The following RORA variants were observed in gnomAD, a reference collection of about 807,000 sequenced individuals.
RORA encodes the protein RAR related orphan receptor A.
RORA carries 7 observed loss-of-function variants against 69.5 expected under a neutral mutation model. The ratio of observed to expected loss-of-function variants is 0.10; its 90% confidence interval spans 0.06 to 0.19. The LOEUF is 0.19. Ranked by LOEUF, RORA falls within the 10% of genes least tolerant of loss-of-function variation. The probability of loss-of-function intolerance (pLI) is 1.00; values close to 1 mark genes in which losing one functional copy is unlikely to be tolerated. For synonymous variants in RORA, 261 were observed against 240.8 expected, an observed-to-expected ratio of 1.08 and a Z score of -0.78; for missense variants, 457 against 663.0, an observed-to-expected ratio of 0.69 and a Z score of 3.41.
chr15:60,780,841 C>G (rs1484783957), intron 1 of RORA, among the ~76,000 whole-genome samples: 1 of 152,148 alleles, frequency 6.6e-6, no homozygotes, highest in Non-Finnish European at 1.5e-5. Flanking sequence ...GTCACCCATT[C>G]TAGCAAGGGA....
chr15:60,792,137 A>G (rs544906805), intron 1 of RORA, among the ~76,000 whole-genome samples: 10 of 152,330 alleles, frequency 6.6e-5, no homozygotes, highest in African/African-American at 2.4e-4. Context: ...CCTAGAGTTG[A>G]AAAGTAGAAT....
chr15:60,806,702 G>C (rs1344497030), intron 1 of RORA, among the ~76,000 whole-genome samples: 1 of 152,224 alleles, frequency 6.6e-6, no homozygotes, highest in East Asian at 1.9e-4. Flanking sequence ...AACATGCTGA[G>C]TGAGTTAAGG....
chr15:61,042,040 CTT>C (rs1896799142), intron 1 of RORA, among the ~76,000 whole-genome samples: 1 of 152,188 alleles, frequency 6.6e-6, no homozygotes, highest in African/African-American at 2.4e-5. Context: ...ACCCTCGTCT[CTT>C]AACTACCACA....
chr15:61,013,540 A>C (rs1392710607), intron 1 of RORA, among the ~76,000 whole-genome samples: 1 of 152,228 alleles, frequency 6.6e-6, no homozygotes, highest in Non-Finnish European at 1.5e-5. Context: ...TGTGTCGCTC[A>C]CCCTGTAGCT....
intron 2 of RORA, among the ~76,000 whole-genome samples, chr15:60,609,833 G>C (rs768959032): frequency 6.6e-6 from 1 of 152,146 alleles, no homozygotes; most frequent in African/African-American, 2.4e-5. Flanking sequence ...TCTTCAGAAG[G>C]CTGAATGGCT....
At position 60,537,527 on chromosome 15, in the gene RORA, A is replaced by G. The variant is rs1367260425; in HGVS notation, c.197-5676T>C. ...CTGCCATGGGAGGCCCCAGGACACC[A>G]TAAGGGTTTGCAGAGAGCTCTCATT... On this transcript the variant is annotated intron_variant, in intron 2 of 10. Coordinates refer to ENST00000335670, the MANE Select transcript of RORA (RefSeq NM_134261.3). The surrounding 1 kb of genome is among the most constrained non-coding windows in gnomAD (Gnocchi z 4.9). Among the ~76,000 whole-genome samples, 3 of 152,204 alleles carry G rather than the reference A, an allele frequency of 2.0e-5. No homozygotes were observed. The highest frequency in any genetic ancestry group is 7.2e-5 in the African/African-American group (3 of 41,446).
At chr15:60,995,380 G>A (rs1041960867) in intron 1 of RORA, among the ~76,000 whole-genome samples, 4 of 152,160 alleles carry the variant, frequency 2.6e-5, no homozygotes, top group Non-Finnish European at 4.4e-5. Context: ...GCCAGCGCGA[G>A]GCCTCCTGGC....
chr15:60,591,743 G>A (rs2068520020), intron 2 of RORA, among the ~76,000 whole-genome samples: 1 of 152,124 alleles, frequency 6.6e-6, no homozygotes, highest in Non-Finnish European at 1.5e-5. Context: ...GTCTTGGCAC[G>A]CTCGAGGCGC....
chr15:60,771,128 G>C (rs921534412), intron 1 of RORA, among the ~76,000 whole-genome samples: 3 of 152,194 alleles, frequency 2.0e-5, no homozygotes, highest in South Asian at 4.2e-4. Context: ...TAGGACTTCT[G>C]GGTCCCCCAT....
intron 1 of RORA, among the ~76,000 whole-genome samples, chr15:61,047,517 A>G (rs1348234197): frequency 1.3e-5 from 2 of 152,216 alleles, no homozygotes; most frequent in African/African-American, 2.4e-5. Flanking sequence ...TACCTTCTTA[A>G]AAGGGCAAAT....
chr15:61,064,299 T>C (rs2078227066), intron 1 of RORA, among the ~76,000 whole-genome samples: 1 of 152,242 alleles, frequency 6.6e-6, no homozygotes, highest in Admixed American at 6.5e-5. Flanking sequence ...GCGAAGGTTG[T>C]CCAGGTAATT....
intron 1 of RORA, among the ~76,000 whole-genome samples, chr15:60,959,189 G>C (rs1318320094): frequency 6.6e-6 from 1 of 152,184 alleles, no homozygotes; most frequent in Non-Finnish European, 1.5e-5. Flanking sequence ...TCTTTTCCTT[G>C]CTTTTATGTC....
intron 2 of RORA, among the ~76,000 whole-genome samples, chr15:60,662,317 T>C (rs1596106177): frequency 1.3e-5 from 2 of 152,194 alleles, no homozygotes; most frequent in Non-Finnish European, 2.9e-5. Flanking sequence ...AGACTTGCTA[T>C]GCATATAAAT....
chr15:61,137,872 G>A (rs886185897), intron 1 of RORA, among the ~76,000 whole-genome samples: 2 of 152,070 alleles, frequency 1.3e-5, no homozygotes, highest in African/African-American at 4.8e-5. Flanking sequence ...CAACAATAAT[G>A]AATAACTTCA....
chr15:60,960,628 T>G (rs1893390923), intron 1 of RORA, among the ~76,000 whole-genome samples: 2 of 151,954 alleles, frequency 1.3e-5, no homozygotes, highest in African/African-American at 4.8e-5. Context: ...CATGTTACAC[T>G]TTGGCACACA....
intron 2 of RORA, among the ~76,000 whole-genome samples, chr15:60,625,983 G>T (rs573387209): frequency 6.6e-6 from 1 of 152,310 alleles, no homozygotes; most frequent in Non-Finnish European, 1.5e-5. Flanking sequence ...TAGGGATGGG[G>T]GTCGACAAGT....
intron 1 of RORA, among the ~76,000 whole-genome samples, chr15:61,116,563 G>A (rs1411540314): frequency 6.6e-6 from 1 of 152,176 alleles, no homozygotes; most frequent in Non-Finnish European, 1.5e-5. Context: ...TTACCCAGAT[G>A]ATTACAAATG....
chr15:61,219,043 C>T (rs1407758536), intron 1 of RORA, among the ~76,000 whole-genome samples: 2 of 152,186 alleles, frequency 1.3e-5, no homozygotes, highest in Non-Finnish European at 2.9e-5. Context: ...AATAGTTTTA[C>T]TTTCCACTAA....
chr15:60,535,352 C>A (rs1345595242), intron 2 of RORA, among the ~76,000 whole-genome samples: 1 of 152,196 alleles, frequency 6.6e-6, no homozygotes, highest in African/African-American at 2.4e-5. Flanking sequence ...CTAATTTGCC[C>A]ACATTTTCAG....
Sources: allele counts gnomAD v4.1 joint callset (sites outside exome capture counted in the v4.1 genomes callset), GRCh38; gene constraint gnomAD v4.1.1; non-coding constraint Gnocchi (gnomAD v3.1); transcripts MANE v1.5; gene names NCBI Gene and HGNC (gene_info 2026-07-23, HGNC 2026-07-21).